Variants in RANBP17 observed in about 807,000 individuals in gnomAD.
RANBP17 encodes the protein ran-binding protein 17.
A neutral mutation model predicts 141.2 loss-of-function variants in RANBP17; 158 were observed. The observed-to-expected ratio is 1.12, with a 90% CI of 0.98 to 1.28. The LOEUF (loss-of-function observed/expected upper bound fraction) is 1.28. RANBP17 is among the 50% of genes most tolerant of loss of function. The pLI is 0.00. For missense variants in RANBP17, 1,438 were observed against 1,290.7 expected, an observed-to-expected ratio of 1.11 and a Z score of -1.75; for synonymous variants, 430 against 450.0, an observed-to-expected ratio of 0.96 and a Z score of 0.56.
intron 14 of RANBP17, among the ~76,000 whole-genome samples, chr5:171,133,247 A>C (rs1484293598): frequency 6.6e-6 from 1 of 152,172 alleles, no homozygotes; most frequent in African/African-American, 2.4e-5. Context: ...TGTTTTTTGA[A>C]AAATAATACA....
intron 24 of RANBP17, among the ~76,000 whole-genome samples, chr5:171,255,385 A>G (rs1322049473): frequency 6.6e-6 from 1 of 152,354 alleles, no homozygotes; most frequent in East Asian, 1.9e-4. Flanking sequence ...TTTGCATTAA[A>G]GTACAGCATT....
At chr5:170,925,752 C>T (rs778030025) in intron 12 of RANBP17, among the ~76,000 whole-genome samples, 53 of 151,340 alleles carry the variant, frequency 3.5e-4, no homozygotes, top group Middle Eastern at 3.4e-3. Flanking sequence ...GAAAATAATA[C>T]ATGATATTGC....
chr5:171,041,719 A>G (rs1007163409), intron 14 of RANBP17, among the ~76,000 whole-genome samples: 7 of 152,294 alleles, frequency 4.6e-5, no homozygotes, highest in Middle Eastern at 3.4e-3. Flanking sequence ...AAGGCACAGT[A>G]AAAAATACAC....
chr5:171,212,464 G>A (rs1355194740), intron 20 of RANBP17, among the ~76,000 whole-genome samples: 2 of 152,154 alleles, frequency 1.3e-5, no homozygotes, highest in African/African-American at 4.8e-5. Context: ...ATAAGAGCTG[G>A]CATTAGTGGT....
At chr5:170,926,710 ACT>A (rs1772956322) in intron 12 of RANBP17, among the ~76,000 whole-genome samples, 1 of 151,586 alleles carries the variant, frequency 6.6e-6, no homozygotes, top group African/African-American at 2.4e-5. Flanking sequence ...AAATTAAAAA[ACT>A]TAAAATGTGT....
Position 170,919,541 on chromosome 5 carries a change from T to G in RANBP17, c.1202T>G (p.Leu401Ter). 1.2e-6 allele frequency: 2 copies of G among 1,612,254 alleles called. No individual in the cohort carries two copies. The highest frequency in any genetic ancestry group is 2.2e-5 in the South Asian group (2 of 90,796). Reference sequence around the variant, plus strand: ...GTGAAATCAACTGAACCCCACCTATTAGACACTTATGCACCAGAAATCACG... The same window carrying G: ...GTGAAATCAACTGAACCCCACCTATGAGACACTTATGCACCAGAAATCACG... Reference protein sequence around the residue: ...PFVKSTEPHLLDTYAPEITKA... With the variant: ...PFVKSTEPHL Residue 401 changes from leucine (L) to a stop codon, truncating the protein, a stop_gained, in exon 11 of 28, where the codon TTA becomes TGA. Transcript: ENST00000523189. LOFTEE classifies it high-confidence loss of function.
At position 171,262,865 on chromosome 5, in the gene RANBP17, A is replaced by C. The variant is rs368200419; in HGVS notation, c.2777-2816A>C. On this transcript the variant is annotated intron_variant, in intron 24 of 27. Coordinates refer to ENST00000523189, the MANE Select transcript of RANBP17 (RefSeq NM_022897.5). ...ACGGCTGTCTTCTAGACCTCCATTC[A>C]ACCCCTCATCCCTCATGATCCTGTA... Among the ~76,000 whole-genome samples the C allele has an allele frequency of 4.1e-4, 62 of 152,226 alleles. No individual in the cohort carries two copies. In the South Asian group the frequency reaches 4.4e-3, roughly 11 times the overall value.
At chr5:170,873,833 C>T (rs917385877) in intron 1 of RANBP17, among the ~76,000 whole-genome samples, 1 of 152,150 alleles carries the variant, frequency 6.6e-6, no homozygotes, top group Admixed American at 6.5e-5. Flanking sequence ...TTTTTCGTGT[C>T]TCTATCTCCT....
At chr5:171,139,746 C>G (rs1162337086) in intron 14 of RANBP17, among the ~76,000 whole-genome samples, 4 of 152,172 alleles carry the variant, frequency 2.6e-5, no homozygotes, top group Non-Finnish European at 5.9e-5. Context: ...TTCTCACCTT[C>G]GCCCACTTTC....
intron 14 of RANBP17, among the ~76,000 whole-genome samples, chr5:171,130,539 C>T (rs1292126988): frequency 7.1e-6 from 1 of 141,354 alleles, no homozygotes; most frequent in African/African-American, 2.6e-5. Context: ...GGGGTTCAGG[C>T]GATTCTCCTG....
intron 22 of RANBP17, among the ~76,000 whole-genome samples, chr5:171,226,041 A>G (rs1313897363): frequency 6.6e-6 from 1 of 152,168 alleles, no homozygotes; most frequent in Non-Finnish European, 1.5e-5. Context: ...GCCCAAGCCT[A>G]TTATTTCTAA....
intron 14 of RANBP17, among the ~76,000 whole-genome samples, chr5:170,977,900 T>C (rs578016740): frequency 6.6e-6 from 1 of 152,150 alleles, no homozygotes; most frequent in South Asian, 2.1e-4. Flanking sequence ...TGTTGAAATA[T>C]TCTGAAATTG....
intron 14 of RANBP17, among the ~76,000 whole-genome samples, chr5:170,992,268 C>G (rs1581337108): frequency 6.6e-6 from 1 of 151,962 alleles, no homozygotes; most frequent in African/African-American, 2.4e-5. Flanking sequence ...TTAACTCTAT[C>G]TGTGACACTA....
rs183595292 is a variant in RANBP17 at position 171,248,539 on chromosome 5, A to G, written c.2776+5719A>G. On this transcript the variant is annotated intron_variant, in intron 24 of 27. Transcript: ENST00000523189. ...CACGTGCCTGCCACAGACTACTGCA[A>G]TCTAAACCACATGAAAGCTTTTCTA... Among the ~76,000 whole-genome samples the G allele has an allele frequency of 1.3e-4, 20 of 152,274 alleles. No homozygotes were observed. In the East Asian group the frequency reaches 3.3e-3, roughly 25 times the overall value.
chr5:170,882,428 A>G (rs1007670671), intron 3 of RANBP17, among the ~76,000 whole-genome samples: 1 of 152,110 alleles, frequency 6.6e-6, no homozygotes, highest in African/African-American at 2.4e-5. Flanking sequence ...TTTGTGTACT[A>G]TTTGTTAAGA....
At chr5:171,124,396 T>C (rs1387526861) in intron 14 of RANBP17, among the ~76,000 whole-genome samples, 1 of 152,238 alleles carries the variant, frequency 6.6e-6, no homozygotes, top group South Asian at 2.1e-4. Flanking sequence ...ATTTTGTTAA[T>C]TTTTAGAAGG....
chr5:170,897,734 T>C (rs1012534307), intron 5 of RANBP17, among the ~76,000 whole-genome samples: 1 of 152,184 alleles, frequency 6.6e-6, no homozygotes, highest in African/African-American at 2.4e-5. Context: ...GTGAAGGATA[T>C]GAACTCGTCC....
chr5:171,030,200 G>T (rs1017897962), intron 14 of RANBP17, among the ~76,000 whole-genome samples: 6 of 152,072 alleles, frequency 3.9e-5, no homozygotes, highest in Admixed American at 2.0e-4. Flanking sequence ...GGCTTCTTGA[G>T]ATACATTGTT....
intron 19 of RANBP17, 120 bp from the exon 20 acceptor site, chr5:171,205,404 G>T: frequency 2.6e-6 from 2 of 764,440 alleles, no homozygotes; most frequent in South Asian, 3.4e-5. Context: ...AAAGAGGTCT[G>T]AACGAGACAT....
Sources: gnomAD v4.1 joint callset for allele counts (sites outside exome capture counted in the v4.1 genomes callset) on GRCh38, gnomAD v4.1.1 for gene constraint, MANE v1.5 for transcripts, NCBI Gene and HGNC (gene_info 2026-07-23, HGNC 2026-07-21) for gene names.